The following PTBP2 variants were observed in gnomAD, a reference collection of about 807,000 sequenced individuals.
PTBP2 encodes polypyrimidine tract-binding protein 2.
PTBP2 carries 13 observed loss-of-function variants against 61.4 expected under a neutral mutation model. That is an observed-to-expected ratio of 0.21 (90% CI 0.14 to 0.34). The LOEUF (loss-of-function observed/expected upper bound fraction) is 0.34, where lower values mean the gene tolerates loss of function less well. Among genes scored for constraint, PTBP2 ranks in the 10% least tolerant of loss-of-function variants. The probability of loss-of-function intolerance (pLI) is 1.00; values close to 1 mark genes in which losing one functional copy is unlikely to be tolerated. For missense variants in PTBP2, 405 were observed against 642.6 expected (o/e 0.63, Z 4.00); for synonymous variants, 215 against 218.5 (o/e 0.98, Z 0.14).
intron 5 of PTBP2, among the ~76,000 whole-genome samples, chr1:96,775,507 T>C (rs1178202984): frequency 2.6e-5 from 4 of 152,182 alleles, no homozygotes; most frequent in Non-Finnish European, 5.9e-5. Flanking sequence ...ATCATAATTA[T>C]TGGAAGAAGC....
intron 3 of PTBP2, among the ~76,000 whole-genome samples, chr1:96,755,986 T>C (rs984913594): frequency 1.3e-5 from 2 of 152,192 alleles, no homozygotes; most frequent in African/African-American, 4.8e-5. Flanking sequence ...ATGGCCGAAC[T>C]TCAGAACATT....
At chr1:96,773,077 A>T (rs1027312096) in intron 5 of PTBP2, among the ~76,000 whole-genome samples, 11 of 144,696 alleles carry the variant, frequency 7.6e-5, no homozygotes, top group Admixed American at 2.8e-4. Flanking sequence ...GTGATCCCAG[A>T]TGCGTCACTG....
chr1:96,733,525 T>A (rs1651734239), intron 2 of PTBP2, among the ~76,000 whole-genome samples: 1 of 151,916 alleles, frequency 6.6e-6, no homozygotes, highest in Non-Finnish European at 1.5e-5. Context: ...CAAAAACTTT[T>A]AAAAATTAGA....
intron 7 of PTBP2, among the ~76,000 whole-genome samples, chr1:96,781,279 T>A (rs959448553): frequency 2.0e-5 from 3 of 152,140 alleles, no homozygotes; most frequent in Admixed American, 2.0e-4. Flanking sequence ...ACCTCCATTA[T>A]TTTTCCACAG....
chr1:96,748,445 T>A (rs1011770157), intron 2 of PTBP2, among the ~76,000 whole-genome samples: 5 of 152,148 alleles, frequency 3.3e-5, no homozygotes, highest in Non-Finnish European at 4.4e-5. Flanking sequence ...CATTTTTTTT[T>A]AAGTGGTTTC....
intron 2 of PTBP2, among the ~76,000 whole-genome samples, chr1:96,741,905 T>C (rs942702534): frequency 6.6e-6 from 1 of 152,234 alleles, no homozygotes; most frequent in African/African-American, 2.4e-5. Context: ...GGTTTCCGTA[T>C]ATTCACAGAA....
intron 5 of PTBP2, among the ~76,000 whole-genome samples, chr1:96,773,371 G>A (rs1657614423): frequency 6.6e-6 from 1 of 151,884 alleles, no homozygotes; most frequent in Admixed American, 6.6e-5. Flanking sequence ...AGTCTCCTTT[G>A]GTCATCTTTT....
At chr1:96,795,348 G>A (rs2101124362) in intron 8 of PTBP2, among the ~76,000 whole-genome samples, 1 of 152,270 alleles carries the variant, frequency 6.6e-6, no homozygotes, top group East Asian at 1.9e-4. Flanking sequence ...AAAGTAATAG[G>A]ACTTGGCATC....
At chr1:96,779,797 A>G (rs944495233) in intron 7 of PTBP2, among the ~76,000 whole-genome samples, 4 of 152,058 alleles carry the variant, frequency 2.6e-5, no homozygotes, top group African/African-American at 9.7e-5. Context: ...TAAAATTTGC[A>G]TTTTTGATAA....
intron 2 of PTBP2, among the ~76,000 whole-genome samples, chr1:96,745,555 A>G (rs1653640740): frequency 1.3e-5 from 2 of 152,084 alleles, no homozygotes; most frequent in African/African-American, 4.8e-5. Context: ...TTTTCATGTA[A>G]ATGACAAAAA....
chr1:96,795,918 T>A (rs1225385309), intron 8 of PTBP2, among the ~76,000 whole-genome samples: 1 of 152,140 alleles, frequency 6.6e-6, no homozygotes, highest in Non-Finnish European at 1.5e-5. Context: ...CATTTAAGGC[T>A]GTTGTGAGGA....
chr1:96,783,769 C>T (rs562011548), intron 7 of PTBP2, among the ~76,000 whole-genome samples: 1 of 151,912 alleles, frequency 6.6e-6, no homozygotes, highest in African/African-American at 2.4e-5. Context: ...ACCTTTACAC[C>T]AGGGTATTCA....
intron 7 of PTBP2, among the ~76,000 whole-genome samples, chr1:96,778,167 CTT>C (rs371248551): frequency 3.2e-4 from 40 of 125,258 alleles, no homozygotes; most frequent in Non-Finnish European, 4.7e-4. Flanking sequence ...TATTATTTTA[CTT>C]TTTTTTTTTT....
At chr1:96,741,149 G>T (rs1290051859) in intron 2 of PTBP2, among the ~76,000 whole-genome samples, 3 of 150,284 alleles carry the variant, frequency 2.0e-5, no homozygotes, top group African/African-American at 7.4e-5. Context: ...GTTTTAATTT[G>T]CATTCCCTAT....
intron 2 of PTBP2, among the ~76,000 whole-genome samples, chr1:96,734,672 T>G (rs1367566724): frequency 6.6e-6 from 1 of 152,008 alleles, no homozygotes; most frequent in Non-Finnish European, 1.5e-5. Context: ...TGCGTTATGA[T>G]TTTGTAATTT....
At chr1:96,748,224 C>G (rs1434310060) in intron 2 of PTBP2, among the ~76,000 whole-genome samples, 1 of 152,110 alleles carries the variant, frequency 6.6e-6, no homozygotes, top group Non-Finnish European at 1.5e-5. Flanking sequence ...ATAGCAGAGC[C>G]CAGAGACTCT....
At chr1:96,740,925 A>G (rs562073214) in intron 2 of PTBP2, among the ~76,000 whole-genome samples, 1 of 152,140 alleles carries the variant, frequency 6.6e-6, no homozygotes, top group African/African-American at 2.4e-5. Context: ...TGTAAGCATT[A>G]ATATGCATAT....
chr1:96,812,963 T>C (rs1232759779), intron 12 of PTBP2, 35 bp downstream of exon 12: 1 of 1,593,370 alleles, frequency 6.3e-7, no homozygotes, highest in African/African-American at 1.3e-5. Flanking sequence ...TGAGATACAT[T>C]CTATTTTGAT....
intron 3 of PTBP2, 47 bp downstream of exon 3, chr1:96,751,547 C>CAGA: frequency 7.0e-7 from 1 of 1,423,186 alleles, no homozygotes; most frequent in Non-Finnish European, 9.8e-7. Flanking sequence ...TTTTAGGGGG[C>CAGA]AGAATGTTAA....
Sources: allele counts gnomAD v4.1 joint callset (sites outside exome capture counted in the v4.1 genomes callset), GRCh38; gene constraint gnomAD v4.1.1; transcripts MANE v1.5; gene names NCBI Gene and HGNC (gene_info 2026-07-23, HGNC 2026-07-21).